UGGT1: variants seen among roughly 807,000 people sequenced by gnomAD.
UGGT1 encodes the protein UDP-glucose:glycoprotein glucosyltransferase 1.
In UGGT1, 107 loss-of-function variants were observed where a neutral mutation model predicts 203.9. The observed-to-expected ratio is 0.52, with a 90% CI of 0.45 to 0.62. The LOEUF is 0.62. UGGT1 is among the 20% of genes least tolerant of loss of function. The pLI is 0.00. For missense variants in UGGT1, 1,673 were observed against 1,867.2 expected (o/e 0.90, Z 1.92); for synonymous variants, 628 against 653.5 (o/e 0.96, Z 0.59).
intron 16 of UGGT1, among the ~76,000 whole-genome samples, chr2:128,139,570 C>T (rs1573557911): frequency 6.6e-6 from 1 of 152,138 alleles, no homozygotes; most frequent in Non-Finnish European, 1.5e-5. Flanking sequence ...CAGCACTCAG[C>T]AGGGAAAGCT....
Position 128,152,814 on chromosome 2 carries a change from G to C in UGGT1, c.2047G>C (p.Glu683Gln). 6.2e-7 allele frequency: 1 copy of C among 1,613,494 alleles called. No homozygotes were observed. The highest frequency in any genetic ancestry group is 8.5e-7 in the Non-Finnish European group (1 of 1,179,812). The change falls in exon 19 of 41, where the codon GAG (glutamate) becomes CAG (glutamine). Residue 683 changes from glutamate to glutamine, a missense_variant. Physicochemically the swap from Glu to Gln is conservative, Grantham distance 29 (BLOSUM62 2). This residue lies in a region of UGGT1 where 1,073 missense variants were observed against 1,078.7 expected (regional missense o/e 0.99). Coordinates refer to ENST00000259253, the MANE Select transcript of UGGT1 (RefSeq NM_020120.4). ...GELPHDQDVV[E>Q]YIMNQPNVVP... ...ACTGCCCCATGATCAAGATGTGGTA[G>C]AGTATATCATGAATCAGCCAAATGT...
intron 8 of UGGT1, among the ~76,000 whole-genome samples, chr2:128,118,882 C>G (rs1688249137): frequency 6.6e-6 from 1 of 151,836 alleles, no homozygotes; most frequent in Non-Finnish European, 1.5e-5. Context: ...GTTGCCCAGG[C>G]TGGTCTTGAA....
At chr2:128,104,468 T>G (rs1180048981) in intron 3 of UGGT1, among the ~76,000 whole-genome samples, 2 of 152,222 alleles carry the variant, frequency 1.3e-5, no homozygotes, top group African/African-American at 4.8e-5. Flanking sequence ...TGTTAAGGTA[T>G]CAAATGAATG....
rs1424678010 is a variant in UGGT1 at position 128,129,352 on chromosome 2, G to A, written c.1377+173G>A. Among the ~76,000 whole-genome samples, 2 of 151,122 alleles carry A rather than the reference G, an allele frequency of 1.3e-5. 1 individual carries two copies. Among genetic ancestry groups the A allele is most frequent in the Non-Finnish European group, 2.9e-5 (2 of 67,852 alleles). On this transcript the variant is annotated intron_variant, in intron 13 of 40. Coordinates refer to ENST00000259253, the MANE Select transcript of UGGT1 (RefSeq NM_020120.4). ...TATGTAATAAAGTAGGCCCTTAAAT[G>A]CTTCAAAAAGTTGAGTTATTGTTGC...
intron 11 of UGGT1, among the ~76,000 whole-genome samples, chr2:128,123,578 G>A (rs150625166): frequency 5.3e-5 from 8 of 152,208 alleles, no homozygotes; most frequent in East Asian, 1.9e-4. Context: ...TATTTTTCAC[G>A]TTCAGACATT....
At chr2:128,170,255 C>T (rs747032091) in intron 26 of UGGT1, 33 bp from the exon 27 acceptor site, 73 of 1,598,374 alleles carry the variant, frequency 4.6e-5, no homozygotes, top group Non-Finnish European at 5.6e-5. Flanking sequence ...CCTGTGTCCT[C>T]CAGGTTAATG....
intron 18 of UGGT1, among the ~76,000 whole-genome samples, chr2:128,149,454 C>T (rs1689843852): frequency 6.7e-6 from 1 of 149,692 alleles, no homozygotes; most frequent in Admixed American, 6.6e-5. Flanking sequence ...ACCATCCTGG[C>T]TAACACGGTG....
intron 12 of UGGT1, 116 bp downstream of exon 12, chr2:128,127,568 A>C (rs574938367): frequency 8.0e-6 from 6 of 753,526 alleles, no homozygotes; most frequent in Non-Finnish European, 4.4e-6. Context: ...ATGGCTTACC[A>C]GCCCCCACTG....
rs534927976 is a variant in UGGT1 at position 128,106,731 on chromosome 2, A to G, written c.278-1207A>G. Among the ~76,000 whole-genome samples the G allele has an allele frequency of 1.2e-3, 186 of 152,092 alleles. 1 individual carries two copies. Among genetic ancestry groups the G allele is most frequent in the African/African-American group, 4.0e-3 (168 of 41,482 alleles). On this transcript the variant is annotated intron_variant, in intron 3 of 40. Coordinates refer to ENST00000259253, the MANE Select transcript of UGGT1 (RefSeq NM_020120.4). ...CCCGTGGCTAATTTTTATATTTTTA[A>G]TAGAGATGGGGTTTCACCATGTTGG...
intron 3 of UGGT1, among the ~76,000 whole-genome samples, chr2:128,104,942 T>A (rs888595617): frequency 2.0e-5 from 3 of 152,034 alleles, no homozygotes; most frequent in Non-Finnish European, 4.4e-5. Context: ...CCACTGTGCC[T>A]GGCCAGATAT....
At chr2:128,115,309 T>G (rs1188826513) in intron 7 of UGGT1, 89 bp downstream of exon 7, 1 of 1,204,326 alleles carries the variant, frequency 8.3e-7, no homozygotes. Context: ...TAGATTTAGG[T>G]GTATGCTGAA....
intron 1 of UGGT1, 34 bp from the exon 2 acceptor site, chr2:128,097,395 T>C (rs1687159852): frequency 2.5e-6 from 4 of 1,585,188 alleles, no homozygotes; most frequent in Non-Finnish European, 3.4e-6. Flanking sequence ...AAAATTTCCT[T>C]GTAGCAAAAC....
chr2:128,097,589 C>T (rs200230400), intron 2 of UGGT1, 25 bp downstream of exon 2: 90 of 1,612,028 alleles, frequency 5.6e-5, no homozygotes, highest in Middle Eastern at 1.6e-4. Context: ...TTTTTCCCTT[C>T]GTGTATTTGA....
intron 13 of UGGT1, among the ~76,000 whole-genome samples, chr2:128,129,611 CTGGTCTCAAACTCCTGACCTCAGGT>C (rs1688781176): frequency 1.3e-5 from 2 of 151,972 alleles, no homozygotes; most frequent in Admixed American, 1.3e-4. Context: ...ATTGGTCAGG[CTGGTCTCAAACTCCTGACCTCAGGT>C]GATACACCCA....
In UGGT1 at chr2:128,116,307, T is replaced by C. The variant is rs1688098105; in HGVS notation, c.836T>C (p.Ile279Thr). Residue 279 changes from isoleucine (I) to threonine (T), a missense_variant, in exon 8 of 41, where the codon ATT becomes ACT. Coordinates refer to ENST00000259253, the MANE Select transcript of UGGT1 (RefSeq NM_020120.4). The part of the protein sequence containing the change: ...NTTVIGENDP[I>T]DEVQGFLFGK... ...ACAGTGATTGGTGAAAATGATCCTA[T>C]TGATGAGGTTCAGGGGTTCCTCTTT... 6 of 1,612,318 alleles carry C rather than the reference T, an allele frequency of 3.7e-6. No homozygotes were observed. The highest frequency in any genetic ancestry group is 5.1e-6 in the Non-Finnish European group (6 of 1,178,444).
At position 128,160,487 on chromosome 2, in the gene UGGT1, G is replaced by A; in HGVS notation, c.2590G>A (p.Val864Ile). ...AATGGATTTCAGTCTTTTTAAAGAG[G>A]TCTTTGAGTCTTCCAAAATGGATTT... ...GGMDFSLFKE[V>I]FESSKMDFIL... The change falls in exon 24 of 41, where the codon GTC (valine) becomes ATC (isoleucine). Residue 864 changes from valine (V) to isoleucine (I), a missense_variant. Val to Ile is a conservative substitution (Grantham distance 29). Coordinates refer to ENST00000259253, the MANE Select transcript of UGGT1 (RefSeq NM_020120.4). 1 of 1,610,522 alleles carries A rather than the reference G, an allele frequency of 6.2e-7. No homozygotes were observed. Among genetic ancestry groups the A allele is most frequent in the South Asian group, 1.1e-5 (1 of 90,446 alleles).
rs1188716910 is a variant in UGGT1 at position 128,193,334 on chromosome 2, C to T, written c.*3592C>T. On this transcript the variant is annotated 3_prime_UTR_variant, in exon 41 of 41. Transcript: ENST00000259253. ...TGGTGCGATCTTGGCTCACTTCAAC[C>T]TCTGCCTCCCAAGTTCAAACAATTC... The T allele has an allele frequency of 6.6e-6, 1 of 151,356 alleles. No homozygotes were observed. Among genetic ancestry groups the T allele is most frequent in the Non-Finnish European group, 1.5e-5 (1 of 67,914 alleles). The allele number at this position is 151,356 out of a possible 1,614,324, so 9.4% of individuals were successfully genotyped here. A position where few individuals can be genotyped will look rare whatever the true frequency, so the allele number is the denominator to read the frequency against.
At chr2:128,182,006 G>T in intron 36 of UGGT1, 124 bp from the exon 37 acceptor site, 1 of 856,812 alleles carries the variant, frequency 1.2e-6, no homozygotes. Context: ...TGCCCCTAGT[G>T]CCTGTGCCAC....
At chr2:128,105,868 TA>T (rs1687584322) in intron 3 of UGGT1, among the ~76,000 whole-genome samples, 1 of 105,382 alleles carries the variant, frequency 9.5e-6, no homozygotes, top group Admixed American at 1.2e-4. Flanking sequence ...TGCAGTGGTG[TA>T]GTTCACTATA....
Sources: gnomAD v4.1 joint callset for allele counts (sites outside exome capture counted in the v4.1 genomes callset) on GRCh38, gnomAD v4.1.1 for gene constraint, gnomAD v4.1.1 regional missense constraint, MANE v1.5 for transcripts, NCBI Gene and HGNC (gene_info 2026-07-23, HGNC 2026-07-21) for gene names.